CAMK1D: variants seen among roughly 807,000 people sequenced by gnomAD.
The protein encoded by CAMK1D is calcium/calmodulin dependent protein kinase ID.
In CAMK1D, 9 loss-of-function variants were observed where a neutral mutation model predicts 47.7. The observed-to-expected ratio is 0.19, with a 90% CI of 0.11 to 0.33. CAMK1D has a LOEUF of 0.33. CAMK1D is among the 10% of genes least tolerant of loss of function. The probability of loss-of-function intolerance (pLI) is 1.00; values close to 1 mark genes in which losing one functional copy is unlikely to be tolerated. For synonymous variants in CAMK1D, 184 were observed against 184.9 expected, an observed-to-expected ratio of 0.99 and a Z score of 0.04; for missense variants, 291 against 488.7, an observed-to-expected ratio of 0.60 and a Z score of 3.81.
intron 3 of CAMK1D, among the ~76,000 whole-genome samples, chr10:12,708,266 C>T (rs1240177194): frequency 6.6e-6 from 1 of 151,958 alleles, no homozygotes; most frequent in African/African-American, 2.4e-5. Flanking sequence ...GCCTGGGAGA[C>T]GTTCTTAAAG....
chr10:12,365,322 CT>C (rs1230918027), intron 1 of CAMK1D, among the ~76,000 whole-genome samples: 1 of 152,080 alleles, frequency 6.6e-6, no homozygotes, highest in East Asian at 1.9e-4. Context: ...ACGTTATGGA[CT>C]TTTTATAGAT....
chr10:12,785,205 C>A (rs1337809245), intron 5 of CAMK1D, among the ~76,000 whole-genome samples: 1 of 152,158 alleles, frequency 6.6e-6, no homozygotes, highest in Non-Finnish European at 1.5e-5. Flanking sequence ...GGTGGGTTTC[C>A]CTATAGCCAC....
chr10:12,461,472 C>T (rs950090025), intron 1 of CAMK1D, among the ~76,000 whole-genome samples: 5 of 151,946 alleles, frequency 3.3e-5, no homozygotes, highest in African/African-American at 7.3e-5. Flanking sequence ...GGGCGGGTCG[C>T]GAGGTTAAGA....
chr10:12,585,207 A>G (rs1160532374), intron 2 of CAMK1D, among the ~76,000 whole-genome samples: 2 of 152,200 alleles, frequency 1.3e-5, no homozygotes, highest in Admixed American at 6.5e-5. Context: ...CTGAAATTTA[A>G]GGTCATCAGA....
At position 12,349,919 on chromosome 10, in the gene CAMK1D, G is replaced by C. The variant is rs759804676; in HGVS notation, c.92+9G>C. The C allele has an allele frequency of 6.6e-7, 1 of 1,521,142 alleles. No individual in the cohort carries two copies. Among genetic ancestry groups the C allele is most frequent in the Admixed American group, 1.9e-5 (1 of 52,192 alleles). The allele number at this position is 1,521,142 out of a possible 1,614,324, so 94.2% of individuals were successfully genotyped here. On this transcript the variant is annotated intron_variant, in intron 1 of 10. Coordinates refer to ENST00000619168, the MANE Select transcript of CAMK1D (RefSeq NM_153498.4). ...AAAGAGACCCTCGGAACGTAAGTGG[G>C]GACCGGGGAGGCGAGGGTGGAGGTG...
rs1388311074 is a variant in CAMK1D, at chr10:12,519,934, G to T, written c.93-33291G>T. On this transcript the variant is annotated intron_variant, in intron 1 of 10. Transcript: ENST00000619168. The stretch of plus-strand genomic sequence containing the variant: ...TCCCGGACTGGGCGGCTGGCCGGGT[G>T]GGGGGCTGACCCCCCCACCTCCCTC... Among the ~76,000 whole-genome samples, 17 of 42,310 alleles carry T rather than the reference G, an allele frequency of 4.0e-4. 1 individual carries two copies. Among genetic ancestry groups the T allele is most frequent in the Non-Finnish European group, 8.1e-4 (17 of 21,074 alleles). 27.8% of individuals were successfully genotyped at this position (42,310 alleles called of 152,430 possible).
intron 1 of CAMK1D, among the ~76,000 whole-genome samples, chr10:12,511,426 C>T (rs1487869082): frequency 6.6e-6 from 1 of 152,092 alleles, no homozygotes; most frequent in Non-Finnish European, 1.5e-5. Flanking sequence ...CACAGAGAGA[C>T]CCTGTCTCTA....
At chr10:12,519,004 A>G (rs1432534560) in intron 1 of CAMK1D, among the ~76,000 whole-genome samples, 1 of 118,016 alleles carries the variant, frequency 8.5e-6, no homozygotes, top group African/African-American at 3.2e-5. Context: ...GCCGCTGGGC[A>G]CACCTCCCAG....
chr10:12,619,442 C>T (rs147036516), intron 2 of CAMK1D, among the ~76,000 whole-genome samples: 345 of 152,068 alleles, frequency 2.3e-3, no homozygotes, highest in African/African-American at 7.7e-3. Context: ...TGTACACCAC[C>T]GTGCCTGGCT....
At chr10:12,553,460 C>T (rs1280633508) in intron 2 of CAMK1D, 104 bp downstream of exon 2, 24 of 850,660 alleles carry the variant, frequency 2.8e-5, no homozygotes, top group Non-Finnish European at 4.5e-5. Flanking sequence ...CAGAGGGGCC[C>T]CCAGAGGACC....
intron 1 of CAMK1D, among the ~76,000 whole-genome samples, chr10:12,543,470 GA>G (rs1836264244): frequency 6.6e-6 from 1 of 152,218 alleles, no homozygotes. Flanking sequence ...AATTGGTAGT[GA>G]GGAGGGAGTT....
At chr10:12,454,311 T>C (rs954496863) in intron 1 of CAMK1D, among the ~76,000 whole-genome samples, 2 of 148,174 alleles carry the variant, frequency 1.3e-5, no homozygotes, top group African/African-American at 5.0e-5. Context: ...TACAGGCGCG[T>C]GCCACCACGC....
chr10:12,658,429 G>A (rs1204889711), intron 2 of CAMK1D, among the ~76,000 whole-genome samples: 1 of 151,924 alleles, frequency 6.6e-6, no homozygotes, highest in Non-Finnish European at 1.5e-5. Context: ...TGATAGGGGA[G>A]GGGGGCAGGG....
At chr10:12,493,449 A>G in intron 1 of CAMK1D, among the ~76,000 whole-genome samples, 1 of 152,090 alleles carries the variant, frequency 6.6e-6, no homozygotes, top group African/African-American at 2.4e-5. Context: ...TCTTCTCACA[A>G]GAAAATGCAT....
chr10:12,481,385 A>G (rs2132099297), intron 1 of CAMK1D, among the ~76,000 whole-genome samples: 1 of 152,246 alleles, frequency 6.6e-6, no homozygotes, highest in South Asian at 2.1e-4. Context: ...TTCCCAGCCA[A>G]TCAGCAGCAC....
intron 3 of CAMK1D, among the ~76,000 whole-genome samples, chr10:12,742,890 G>A (rs370982478): frequency 5.3e-5 from 8 of 152,206 alleles, no homozygotes; most frequent in African/African-American, 1.7e-4. Context: ...GAGAGCCCGC[G>A]TCAGAGACGG....
At chr10:12,554,714 ATT>A (rs151223282) in intron 2 of CAMK1D, among the ~76,000 whole-genome samples, 1 of 149,938 alleles carries the variant, frequency 6.7e-6, no homozygotes, top group Non-Finnish European at 1.5e-5. Flanking sequence ...TTAAAAAAAA[ATT>A]TTTTTTTTAA....
At chr10:12,739,462 T>G (rs1029497644) in intron 3 of CAMK1D, among the ~76,000 whole-genome samples, 4 of 148,044 alleles carry the variant, frequency 2.7e-5, no homozygotes, top group African/African-American at 1.0e-4. Context: ...TTTTTTTTTT[T>G]GTATTTTCAG....
rs149490384 is a variant in CAMK1D at position 12,783,381 on chromosome 10, G to A, written c.566-7777G>A. 1.5e-3 allele frequency among the ~76,000 whole-genome samples: 233 copies of A among 152,250 alleles called. 1 individual carries two copies. Among genetic ancestry groups the A allele is most frequent in the African/African-American group, 5.2e-3 (218 of 41,530 alleles). ...CCCTCCTGATGTGTCACCGTCCTCCGCCCACTGGAGGGGTCATGTGTGAAG... is the reference window on the plus strand; with the variant it reads ...CCCTCCTGATGTGTCACCGTCCTCCACCCACTGGAGGGGTCATGTGTGAAG... On this transcript the variant is annotated intron_variant, in intron 5 of 10. Coordinates refer to ENST00000619168, the MANE Select transcript of CAMK1D (RefSeq NM_153498.4).
Sources: gnomAD v4.1 joint callset for allele counts (sites outside exome capture counted in the v4.1 genomes callset) on GRCh38, gnomAD v4.1.1 for gene constraint, MANE v1.5 for transcripts, NCBI Gene and HGNC (gene_info 2026-07-23, HGNC 2026-07-21) for gene names.